SCN8A: variants seen among roughly 807,000 people sequenced by gnomAD.
The protein encoded by SCN8A is sodium channel protein type 8 subunit alpha.
SCN8A carries 30 observed loss-of-function variants against 184.1 expected under a neutral mutation model. The ratio of observed to expected loss-of-function variants is 0.16; its 90% CI spans 0.12 to 0.22. The LOEUF (loss-of-function observed/expected upper bound fraction) is 0.22. Among genes scored for constraint, SCN8A ranks in the 10% least tolerant of loss-of-function variants. The probability of loss-of-function intolerance (pLI) is 1.00; values close to 1 mark genes in which losing one functional copy is unlikely to be tolerated. For synonymous variants in SCN8A, 852 were observed against 907.0 expected, an observed-to-expected ratio of 0.94 and a Z score of 1.09; for missense variants, 1,057 against 2,498.9, an observed-to-expected ratio of 0.42 and a Z score of 12.30.
chr12:51,729,625 G>A (rs966734184), intron 12 of SCN8A, among the ~76,000 whole-genome samples: 3 of 152,090 alleles, frequency 2.0e-5, no homozygotes, highest in African/African-American at 7.2e-5. Flanking sequence ...CTTGCTATGA[G>A]CATTCTTATA....
At chr12:51,727,283 C>G (rs1438812077) in intron 12 of SCN8A, among the ~76,000 whole-genome samples, 1 of 151,934 alleles carries the variant, frequency 6.6e-6, no homozygotes, top group East Asian at 1.9e-4. Flanking sequence ...GAGGGTTTTT[C>G]CTCCAAGGCT....
Position 51,812,342 on chromosome 12 carries a change from C to A in SCN8A, c.*4913C>A. 5 of 159,888 alleles carry A rather than the reference C, an allele frequency of 3.1e-5. No individual in the cohort carries two copies. In the South Asian group the frequency reaches 8.4e-4, roughly 27 times the overall value. 9.9% of individuals were successfully genotyped at this position (159,888 alleles called of 1,614,324 possible). A position where few individuals can be genotyped will look rare whatever the true frequency, so the allele number is the denominator to read the frequency against. ...GCTCGCTGTGTGGCCTTGGGCAAGT[C>A]ACTTAACCTCTCTGTGCCTCAGTTT... On this transcript the variant is annotated 3_prime_UTR_variant, in exon 27 of 27. Transcript: ENST00000627620.
At chr12:51,745,399 G>A (rs948755268) in intron 12 of SCN8A, among the ~76,000 whole-genome samples, 12 of 152,196 alleles carry the variant, frequency 7.9e-5, no homozygotes, top group African/African-American at 2.4e-4. Flanking sequence ...GGAAGAGGCA[G>A]TTTATTAGAA....
At chr12:51,789,246 G>A (rs1938175678) in intron 23 of SCN8A, 35 bp from the exon 24 acceptor site, 1 of 1,612,034 alleles carries the variant, frequency 6.2e-7, no homozygotes. Context: ...CAAACTAGGA[G>A]CTGATTCTCT....
intron 11 of SCN8A, chr12:51,713,596 T>G: frequency 1.5e-6 from 1 of 658,228 alleles, no homozygotes; most frequent in Non-Finnish European, 2.7e-6. Context: ...AGGCGGTGGT[T>G]TTACCTCCAT....
intron 2 of SCN8A, among the ~76,000 whole-genome samples, chr12:51,681,932 C>G (rs1261834418): frequency 1.3e-5 from 2 of 151,750 alleles, no homozygotes; most frequent in Admixed American, 6.6e-5. Context: ...AACCAAAAGC[C>G]TAATTGTAGG....
At chr12:51,774,141 C>T (rs1176094988) in intron 19 of SCN8A, 48 bp from the exon 20 acceptor site, 2 of 1,590,842 alleles carry the variant, frequency 1.3e-6, no homozygotes, top group South Asian at 1.1e-5. Flanking sequence ...TCCCTGTGGC[C>T]TGCTTGCCTT....
At chr12:51,786,326 A>G (rs764090878) in intron 21 of SCN8A, among the ~76,000 whole-genome samples, 3 of 152,256 alleles carry the variant, frequency 2.0e-5, no homozygotes, top group Non-Finnish European at 2.9e-5. Flanking sequence ...GTGTTAGTCA[A>G]AATAAAGGTG....
chr12:51,722,744 TA>T (rs1341113715), intron 12 of SCN8A: 1 of 152,234 alleles, frequency 6.6e-6, no homozygotes, highest in African/African-American at 2.4e-5. Flanking sequence ...AGATGAATTT[TA>T]AATGTAATCA....
chr12:51,680,635 C>T (rs532939717), intron 2 of SCN8A, among the ~76,000 whole-genome samples: 5 of 152,320 alleles, frequency 3.3e-5, no homozygotes, highest in Non-Finnish European at 7.3e-5. Flanking sequence ...ACCCTCCATG[C>T]TACCTCTAGA....
At chr12:51,760,000 C>CCCACTCCTGCAATAACATCAGT (rs1256266606) in intron 14 of SCN8A, among the ~76,000 whole-genome samples, 2 of 152,148 alleles carry the variant, frequency 1.3e-5, no homozygotes, top group Admixed American at 6.5e-5. Flanking sequence ...AGATAACCAG[C>CCCACTCCTGCAATAACATCAGT]CCACTCCTGC....
intron 2 of SCN8A, among the ~76,000 whole-genome samples, chr12:51,678,126 T>A (rs922895168): frequency 1.3e-5 from 2 of 152,238 alleles, no homozygotes; most frequent in African/African-American, 2.4e-5. Context: ...ATCAGCCATA[T>A]GAAACATATA....
At chr12:51,667,960 G>T (rs1278204779) in intron 2 of SCN8A, among the ~76,000 whole-genome samples, 3 of 152,146 alleles carry the variant, frequency 2.0e-5, no homozygotes, top group African/African-American at 7.2e-5. Context: ...GAGTCAGGCA[G>T]ATCACTTGAG....
chr12:51,594,190 C>T (rs1592316402), intron 1 of SCN8A, among the ~76,000 whole-genome samples: 1 of 152,220 alleles, frequency 6.6e-6, no homozygotes, highest in South Asian at 2.1e-4. Flanking sequence ...GCTTTGAATA[C>T]ATCCGTTGGT....
intron 16 of SCN8A, among the ~76,000 whole-genome samples, chr12:51,767,020 A>G (rs1665631039): frequency 6.6e-6 from 1 of 152,094 alleles, no homozygotes; most frequent in Non-Finnish European, 1.5e-5. Flanking sequence ...TGACAGTAAA[A>G]GGCTCCTACT....
chr12:51,677,052 T>C (rs1254052155), intron 2 of SCN8A, among the ~76,000 whole-genome samples: 1 of 149,690 alleles, frequency 6.7e-6, no homozygotes, highest in Non-Finnish European at 1.5e-5. Context: ...TCCTTTATTG[T>C]TTTGTTTTAT....
chr12:51,709,579 G>A (rs143317787), intron 11 of SCN8A, among the ~76,000 whole-genome samples: 93 of 152,316 alleles, frequency 6.1e-4, no homozygotes, highest in African/African-American at 2.0e-3. Flanking sequence ...GCAATATAAA[G>A]TCATTGAGGA....
intron 6 of SCN8A, 57 bp from the exon 7 acceptor site, chr12:51,699,513 T>C (rs935438638): frequency 8.7e-6 from 12 of 1,376,838 alleles, no homozygotes; most frequent in Non-Finnish European, 1.2e-5. Flanking sequence ...GAGGGAGGCT[T>C]GGGGAGGTGG....
intron 6 of SCN8A, among the ~76,000 whole-genome samples, chr12:51,692,831 G>A (rs1326082426): frequency 5.3e-5 from 8 of 152,192 alleles, no homozygotes; most frequent in Admixed American, 5.2e-4. Flanking sequence ...GTTCTTCTTA[G>A]CAGCATTTAA....
Sources: allele counts gnomAD v4.1 joint callset (sites outside exome capture counted in the v4.1 genomes callset), GRCh38; gene constraint gnomAD v4.1.1; transcripts MANE v1.5; gene names NCBI Gene and HGNC (gene_info 2026-07-23, HGNC 2026-07-21).